Variants in LDB2 observed in about 807,000 individuals in gnomAD.
LDB2 encodes the protein LIM domain binding 2.
Under a neutral mutation model 44.3 loss-of-function variants are expected in LDB2, and 12 were observed. That is an observed-to-expected ratio of 0.27 (90% CI 0.17 to 0.44). The LOEUF (loss-of-function observed/expected upper bound fraction) is 0.44. Ranked by LOEUF, LDB2 falls within the 20% of genes least tolerant of loss-of-function variation. The probability of loss-of-function intolerance (pLI) is 1.00; values close to 1 mark genes in which losing one functional copy is unlikely to be tolerated. For missense variants in LDB2, 344 were observed against 473.5 expected (o/e 0.73, Z 2.54); for synonymous variants, 164 against 174.8 (o/e 0.94, Z 0.49).
intron 1 of LDB2, among the ~76,000 whole-genome samples, chr4:16,850,947 A>AGTGTGTGTGT (rs71181193): frequency 0.33 from 46,464 of 142,852 alleles, 7,735 homozygotes; most frequent in East Asian, 0.56. Context: ...TAAAACCATA[A>AGTGTGTGTGT]GTGTGTGTGT....
At chr4:16,580,471 A>T (rs1713928521) in intron 5 of LDB2, among the ~76,000 whole-genome samples, 1 of 152,214 alleles carries the variant, frequency 6.6e-6, no homozygotes, top group Non-Finnish European at 1.5e-5. Context: ...TATGAACTGG[A>T]AGCAGACTTA....
intron 1 of LDB2, among the ~76,000 whole-genome samples, chr4:16,798,179 A>C (rs540378128): frequency 6.6e-6 from 1 of 152,256 alleles, no homozygotes; most frequent in Non-Finnish European, 1.5e-5. Context: ...TATATAAATG[A>C]ATATTCCTCA....
At chr4:16,778,678 G>C (rs1481113055) in intron 1 of LDB2, among the ~76,000 whole-genome samples, 2 of 152,138 alleles carry the variant, frequency 1.3e-5, no homozygotes, top group Admixed American at 1.3e-4. Flanking sequence ...TCGCCATTTT[G>C]AAGTGTTTTC....
At chr4:16,890,076 G>A (rs186224152) in intron 1 of LDB2, among the ~76,000 whole-genome samples, 1 of 152,162 alleles carries the variant, frequency 6.6e-6, no homozygotes, top group African/African-American at 2.4e-5. Context: ...CATATATTCG[G>A]TGTTCCCTGA....
intron 5 of LDB2, among the ~76,000 whole-genome samples, chr4:16,524,278 G>C (rs1443176588): frequency 6.6e-6 from 1 of 152,192 alleles, no homozygotes; most frequent in Admixed American, 6.5e-5. Flanking sequence ...GAGGCTCCCT[G>C]TTGGAGGGAG....
intron 2 of LDB2, among the ~76,000 whole-genome samples, chr4:16,598,280 G>C (rs776950757): frequency 1.6e-4 from 25 of 152,200 alleles, no homozygotes; most frequent in Non-Finnish European, 3.2e-4. Flanking sequence ...GAAGAAGTCA[G>C]TTGCTATGTA....
chr4:16,732,790 A>G (rs1339208552), intron 2 of LDB2, among the ~76,000 whole-genome samples: 1 of 152,226 alleles, frequency 6.6e-6, no homozygotes, highest in Non-Finnish European at 1.5e-5. Context: ...AAATTGTGGG[A>G]GGCATTCTTT....
chr4:16,735,393 G>A (rs1443301338), intron 2 of LDB2, among the ~76,000 whole-genome samples: 2 of 151,950 alleles, frequency 1.3e-5, no homozygotes, highest in Non-Finnish European at 2.9e-5. Flanking sequence ...ATAAATAAAT[G>A]AGTAAGAAAG....
At chr4:16,794,001 T>C (rs1227870990) in intron 1 of LDB2, among the ~76,000 whole-genome samples, 1 of 152,162 alleles carries the variant, frequency 6.6e-6, no homozygotes, top group Non-Finnish European at 1.5e-5. Context: ...TAAAGGTCAT[T>C]AAGCCATACT....
chr4:16,572,947 A>T (rs1478349576), intron 5 of LDB2, among the ~76,000 whole-genome samples: 2 of 152,150 alleles, frequency 1.3e-5, no homozygotes, highest in East Asian at 3.9e-4. Context: ...GAAAAGTAAG[A>T]CTGAGATCTG....
chr4:16,548,116 GCCT>G (rs1736404875), intron 5 of LDB2, among the ~76,000 whole-genome samples: 2 of 151,924 alleles, frequency 1.3e-5, no homozygotes, highest in African/African-American at 4.8e-5. Flanking sequence ...GAGCCACTGT[GCCT>G]GGCCTCAACT....
intron 6 of LDB2, among the ~76,000 whole-genome samples, chr4:16,511,309 CAATT>C (rs1721646049): frequency 6.6e-6 from 1 of 152,090 alleles, no homozygotes; most frequent in African/African-American, 2.4e-5. Flanking sequence ...GATAGGAAGA[CAATT>C]AATGATGACT....
chr4:16,846,812 C>A (rs1787109748), intron 1 of LDB2, among the ~76,000 whole-genome samples: 1 of 152,140 alleles, frequency 6.6e-6, no homozygotes, highest in South Asian at 2.1e-4. Flanking sequence ...AAAGAGCAGG[C>A]AAAGAGTGCT....
chr4:16,824,453 TAATG>T (rs1167915815), intron 1 of LDB2, among the ~76,000 whole-genome samples: 11 of 152,186 alleles, frequency 7.2e-5, no homozygotes, highest in Admixed American at 3.9e-4. Flanking sequence ...AAGCTGTAAA[TAATG>T]AATGCCACAT....
intron 2 of LDB2, among the ~76,000 whole-genome samples, chr4:16,749,415 G>C (rs145808336): frequency 1.3e-5 from 2 of 151,294 alleles, no homozygotes; most frequent in Non-Finnish European, 2.9e-5. Context: ...AAAATTAGCC[G>C]GGTGTGGTTG....
At chr4:16,604,479 T>TTA (rs918253467) in intron 2 of LDB2, among the ~76,000 whole-genome samples, 19 of 149,514 alleles carry the variant, frequency 1.3e-4, no homozygotes, top group African/African-American at 2.2e-4. Flanking sequence ...ATATATATTC[T>TTA]TATATATATA....
intron 2 of LDB2, among the ~76,000 whole-genome samples, chr4:16,675,528 T>G (rs1039070628): frequency 2.0e-5 from 3 of 151,136 alleles, no homozygotes; most frequent in Non-Finnish European, 2.9e-5. Flanking sequence ...ACTTCTAATC[T>G]CATGGGAAAG....
intron 1 of LDB2, among the ~76,000 whole-genome samples, chr4:16,761,671 T>C (rs1235877282): frequency 1.3e-5 from 2 of 152,146 alleles, no homozygotes; most frequent in African/African-American, 2.4e-5. Flanking sequence ...AATTAGTAGG[T>C]ATAAAGTGCT....
intron 5 of LDB2, among the ~76,000 whole-genome samples, chr4:16,534,990 T>C (rs994877373): frequency 6.6e-6 from 1 of 152,162 alleles, no homozygotes; most frequent in Non-Finnish European, 1.5e-5. Flanking sequence ...GGATGAGTTT[T>C]GTGCCAGTCT....
Sources: gnomAD v4.1 joint callset for allele counts (sites outside exome capture counted in the v4.1 genomes callset) on GRCh38, gnomAD v4.1.1 for gene constraint, MANE v1.5 for transcripts, NCBI Gene and HGNC (gene_info 2026-07-23, HGNC 2026-07-21) for gene names.